The following SLC9A5 variants were observed in gnomAD, a reference collection of about 807,000 sequenced individuals.
The protein encoded by SLC9A5 is sodium/hydrogen exchanger 5.
In SLC9A5, 52 loss-of-function variants were observed where a neutral mutation model predicts 91.7. That is an observed-to-expected ratio of 0.57 (90% confidence interval 0.45 to 0.71). The LOEUF is 0.71. SLC9A5 is among the 30% of genes least tolerant of loss of function. The probability of loss-of-function intolerance (pLI) is 0.00; values close to 1 mark genes in which losing one functional copy is unlikely to be tolerated. For missense variants in SLC9A5, 871 were observed against 1,158.9 expected, an observed-to-expected ratio of 0.75 and a Z score of 3.61; for synonymous variants, 419 against 474.5, an observed-to-expected ratio of 0.88 and a Z score of 1.52.
At chr16:67,251,622 C>T (rs997049485) in intron 1 of SLC9A5, among the ~76,000 whole-genome samples, 10 of 151,912 alleles carry the variant, frequency 6.6e-5, no homozygotes, top group African/African-American at 2.4e-4. Flanking sequence ...CCGTGCTGGC[C>T]AGGCTGATCC....
chr16:67,270,802 G>A lies in SLC9A5; in HGVS notation c.2283G>A (p.Glu761=), dbSNP rs2035890321. The A allele has an allele frequency of 6.2e-7, 1 of 1,613,930 alleles. No homozygotes were observed. The highest frequency in any genetic ancestry group is 1.3e-5 in the African/African-American group (1 of 74,892). ...CCTCCCCAACCTGTGCAGAAAAGGA[G>A]CTCCCCTGGAAGAGTGGGCAGGGGG... ...IPPSPTCAEK[E]LPWKSGQGDL... is the part of the protein sequence containing the mutation. Residue 761 remains glutamate (E), a synonymous_variant, in exon 16 of 16, where the codon GAG becomes GAA. Transcript: ENST00000299798. This position sits in a 1 kb window ranked among gnomAD's most constrained non-coding sequence, Gnocchi z 4.3.
intron 15 of SLC9A5, among the ~76,000 whole-genome samples, chr16:67,269,458 G>A (rs562605634): frequency 6.6e-5 from 10 of 151,820 alleles, no homozygotes; most frequent in Admixed American, 2.0e-4. Flanking sequence ...AAAAAACCTC[G>A]CCTCATCAAT....
intron 15 of SLC9A5, among the ~76,000 whole-genome samples, chr16:67,267,173 G>A (rs1208634758): frequency 7.0e-6 from 1 of 142,306 alleles, no homozygotes; most frequent in Non-Finnish European, 1.5e-5. Flanking sequence ...GGCAACCTCT[G>A]CCTCTCGGGT....
rs117918269 is a variant in SLC9A5 at position 67,252,458 on chromosome 16, A to C, written c.188-84A>C. 3.5e-3 allele frequency: 4,513 copies of C among 1,307,086 alleles called. 129 individuals carry two copies. The East Asian group carries it at 0.072, about 21-fold the overall frequency. 81.0% of individuals were successfully genotyped at this position (1,307,086 alleles called of 1,614,324 possible). ...GAGTGAGACTTCATCTCAAAAAAAA[A>C]AAAACAAAACTGGGAGTTCATAGGC... is the stretch of plus-strand genomic sequence containing the variant. On this transcript the variant is annotated intron_variant, in intron 1 of 15. Transcript: ENST00000299798. The surrounding 1 kb of genome is among the most constrained non-coding windows in gnomAD (Gnocchi z 4.0).
rs765758431 is a variant in SLC9A5, at chr16:67,255,559, G to C, written c.733+88G>C. 6 of 1,417,146 alleles carry C rather than the reference G, an allele frequency of 4.2e-6. No homozygotes were observed. The South Asian group carries it at 5.8e-5, about 14-fold the overall frequency. 87.8% of individuals were successfully genotyped at this position (1,417,146 alleles called of 1,614,324 possible). On this transcript the variant is annotated intron_variant, in intron 4 of 15. Coordinates refer to ENST00000299798, the MANE Select transcript of SLC9A5 (RefSeq NM_004594.3). This position sits in a 1 kb window ranked among gnomAD's most constrained non-coding sequence, Gnocchi z 4.9. ...TCCCACCCCGCATCAGGACAGAAGA[G>C]GCTATTCGGGTTGCCTCATCTCCTC...
rs752879951 is a variant in SLC9A5, at chr16:67,255,227, C to G, written c.654+43C>G. ...ACTGCCATTCCCTGACCCCAGGCTG[C>G]ATGCTCTGACCAACTAGGGGTCTGC... On this transcript the variant is annotated intron_variant, in intron 3 of 15. Transcript: ENST00000299798. This position sits in a 1 kb window ranked among gnomAD's most constrained non-coding sequence, Gnocchi z 4.9. 1.2e-5 allele frequency: 19 copies of G among 1,597,400 alleles called. No homozygotes were observed. The South Asian group carries it at 2.0e-4, about 17-fold the overall frequency.
chr16:67,259,042 T>C (rs2035421945), intron 10 of SLC9A5, among the ~76,000 whole-genome samples: 1 of 151,664 alleles, frequency 6.6e-6, no homozygotes, highest in African/African-American at 2.4e-5. Context: ...GGGTGGATCA[T>C]GAGGTCAGGA....
rs2035359636 is a variant in SLC9A5 at position 67,257,417 on chromosome 16, C to G, written c.1408C>G (p.Gln470Glu). 6 of 1,614,174 alleles carry G rather than the reference C, an allele frequency of 3.7e-6. No individual in the cohort carries two copies. The highest frequency in any genetic ancestry group is 5.1e-6 in the Non-Finnish European group (6 of 1,179,996). ...TGAGCATCACAAACCCACCCTGAAC[C>G]AGGAGCTGCATGAACACGTGGGTAT... is the stretch of plus-strand genomic sequence containing the variant. ...RSEHHKPTLN[Q>E]ELHEHTFDHI... The change falls in exon 8 of 16, where the codon CAG (glutamine) becomes GAG (glutamate). Residue 470 changes from glutamine to glutamate, a missense_variant. Coordinates refer to ENST00000299798, the MANE Select transcript of SLC9A5 (RefSeq NM_004594.3). This position sits in a 1 kb window ranked among gnomAD's most constrained non-coding sequence, Gnocchi z 5.1.
At position 67,256,901 on chromosome 16, in the gene SLC9A5, C is replaced by T. The variant is rs752017348; in HGVS notation, c.1133-10C>T. The T allele has an allele frequency of 6.2e-7, 1 of 1,612,982 alleles. No homozygotes were observed. Among genetic ancestry groups the T allele is most frequent in the African/African-American group, 1.3e-5 (1 of 74,926 alleles). ...ACGCTTTGCTCCCACTGGCCTCCCT[C>T]CCGCTGTAGGCGTAGTCCTGCAGAC... is the stretch of plus-strand genomic sequence containing the variant. On this transcript the variant is annotated splice_polypyrimidine_tract_variant and intron_variant, in intron 6 of 15. Coordinates refer to ENST00000299798, the MANE Select transcript of SLC9A5 (RefSeq NM_004594.3). The surrounding 1 kb of genome is among the most constrained non-coding windows in gnomAD (Gnocchi z 4.1).
Position 67,271,377 on chromosome 16 carries a change from G to A in SLC9A5, c.*167G>A. 1.6e-6 allele frequency: 1 copy of A among 633,032 alleles called. No homozygotes were observed. The highest frequency in any genetic ancestry group is 1.9e-5 in the South Asian group (1 of 53,190). 39.2% of individuals were successfully genotyped at this position (633,032 alleles called of 1,614,324 possible). On this transcript the variant is annotated 3_prime_UTR_variant, in exon 16 of 16. Coordinates refer to ENST00000299798, the MANE Select transcript of SLC9A5 (RefSeq NM_004594.3). ...GGGGTCACCTAAGCTGGTCCTCACAGGGGCCTTTCTCACCACCTCCCTGCT... is the reference window on the plus strand; with the variant it reads ...GGGGTCACCTAAGCTGGTCCTCACAAGGGCCTTTCTCACCACCTCCCTGCT...
rs2035341779 is a variant in SLC9A5 at position 67,256,972 on chromosome 16, C to G, written c.1194C>G (p.Asp398Glu). 1.9e-6 allele frequency: 3 copies of G among 1,614,190 alleles called. No homozygotes were observed. In the East Asian group the frequency reaches 6.7e-5, roughly 36 times the overall value. ...QFRLVPLDKI[D>E]QVVMSYGGLR... Reference sequence around the variant, plus strand: ...GGCTAGTCCCTCTGGACAAGATTGACCAAGTGGTGATGTCCTATGGGGGCC... The same window carrying G: ...GGCTAGTCCCTCTGGACAAGATTGAGCAAGTGGTGATGTCCTATGGGGGCC... Residue 398 changes from aspartate (D) to glutamate (E), a missense_variant, in exon 7 of 16, where the codon GAC (aspartate) becomes GAG (glutamate). This residue lies in a region of SLC9A5 where 454 missense variants were observed against 718.3 expected (regional missense o/e 0.63). Transcript: ENST00000299798. The surrounding 1 kb of genome is among the most constrained non-coding windows in gnomAD (Gnocchi z 4.1).
chr16:67,258,191 T>C lies in SLC9A5; in HGVS notation c.1497-127T>C. The C allele has an allele frequency of 1.2e-6, 1 of 866,066 alleles. No homozygotes were observed. Among genetic ancestry groups the C allele is most frequent in the Non-Finnish European group, 1.8e-6 (1 of 551,866 alleles). 53.6% of individuals were successfully genotyped at this position (866,066 alleles called of 1,614,324 possible). ...AGGGCAGGGACTAGCCTTGAGATTC[T>C]CTCTGGCTGAGGCCCATATCTAAAA... On this transcript the variant is annotated intron_variant, in intron 9 of 15. Transcript: ENST00000299798. The surrounding 1 kb of genome is among the most constrained non-coding windows in gnomAD (Gnocchi z 4.5).
rs1421727971 is a variant in SLC9A5, at chr16:67,264,313, G to T, written c.1843-39G>T. The T allele has an allele frequency of 3.1e-6, 5 of 1,599,996 alleles. No individual in the cohort carries two copies. In the African/African-American group the frequency reaches 6.7e-5, roughly 21 times the overall value. On this transcript the variant is annotated intron_variant, in intron 12 of 15. Transcript: ENST00000299798. Reference sequence around the variant, plus strand: ...CCTGGGGTTCTTGTGGGAGGCCAAGGCATCCATCCTCATAGCCAGGCGGGG... The same window carrying T: ...CCTGGGGTTCTTGTGGGAGGCCAAGTCATCCATCCTCATAGCCAGGCGGGG...
In SLC9A5 at chr16:67,258,377, G is replaced by A. The variant is rs761883254; in HGVS notation, c.1556G>A (p.Arg519His). The A allele has an allele frequency of 8.1e-6, 13 of 1,614,134 alleles. No homozygotes were observed. Among genetic ancestry groups the A allele is most frequent in the South Asian group, 1.1e-5 (1 of 91,084 alleles). ...SQLLMRRSAY[R>H]IRDQIWDVYY... ...CTGCTGATGCGACGATCAGCCTACCGCATCCGGGACCAGATCTGGGATGTG... is the reference window on the plus strand; with the variant it reads ...CTGCTGATGCGACGATCAGCCTACCACATCCGGGACCAGATCTGGGATGTG... Residue 519 changes from arginine (R) to histidine (H), a missense_variant, in exon 10 of 16, where the codon CGC becomes CAC. Physicochemically the swap from Arg to His is conservative, Grantham distance 29. This residue lies in a region of SLC9A5 where 454 missense variants were observed against 718.3 expected (regional missense o/e 0.63). Transcript: ENST00000299798. The surrounding 1 kb of genome is among the most constrained non-coding windows in gnomAD (Gnocchi z 4.5).
At chr16:67,268,460 G>A (rs2035789975) in intron 15 of SLC9A5, among the ~76,000 whole-genome samples, 1 of 148,276 alleles carries the variant, frequency 6.7e-6, no homozygotes, top group East Asian at 2.0e-4. Flanking sequence ...AAGGATTCCT[G>A]ATGCATGCCT....
Position 67,256,331 on chromosome 16 carries a change from C to T in SLC9A5, c.912-138C>T, listed in dbSNP as rs2035316324. The stretch of plus-strand genomic sequence containing the variant: ...AGCCCAGCACTACCATTCAAGTCTT[C>T]AGGCCTCCCTGGGCTTCAGCTCTGA... On this transcript the variant is annotated intron_variant, in intron 5 of 15. Coordinates refer to ENST00000299798, the MANE Select transcript of SLC9A5 (RefSeq NM_004594.3). This position sits in a 1 kb window ranked among gnomAD's most constrained non-coding sequence, Gnocchi z 4.1. 6.1e-6 allele frequency: 4 copies of T among 655,680 alleles called. No homozygotes were observed. The East Asian group carries it at 8.1e-5, about 13-fold the overall frequency. 40.6% of individuals were successfully genotyped at this position (655,680 alleles called of 1,614,324 possible).
chr16:67,270,978 G>A lies in SLC9A5; in HGVS notation c.2459G>A (p.Arg820Gln), dbSNP rs376301186. 8.1e-5 allele frequency: 130 copies of A among 1,613,884 alleles called. No homozygotes were observed. Among genetic ancestry groups the A allele is most frequent in the Non-Finnish European group, 1.1e-4 (125 of 1,179,970 alleles). The change falls in exon 16 of 16, where the codon CGG (arginine) becomes CAG (glutamine). Residue 820 changes from arginine (R) to glutamine (Q), a missense_variant. By Grantham distance (43) the Arg-to-Gln change is conservative. Transcript: ENST00000299798. This position sits in a 1 kb window ranked among gnomAD's most constrained non-coding sequence, Gnocchi z 4.3. Reference protein sequence around the residue: ...PILTCLPPHPRGTEEPQVPLH... With the variant: ...PILTCLPPHPQGTEEPQVPLH... ...CTGACCTGCCTGCCTCCCCATCCAC[G>A]GGGCACTGAAGAGCCCCAGGTCCCT... is the stretch of plus-strand genomic sequence containing the variant.
chr16:67,264,925 C>A, intron 13 of SLC9A5, 115 bp from the exon 14 acceptor site: 1 of 1,027,092 alleles, frequency 9.7e-7, no homozygotes, highest in Non-Finnish European at 1.5e-6. Context: ...CTGGGACTGA[C>A]ATAAATTCCC....
In SLC9A5 at chr16:67,257,952, C is replaced by T. The variant is rs548738858; in HGVS notation, c.1496+351C>T. Among the ~76,000 whole-genome samples, 96 of 152,354 alleles carry T rather than the reference C, an allele frequency of 6.3e-4. No individual in the cohort carries two copies. The highest frequency in any genetic ancestry group is 2.8e-4 in the Non-Finnish European group (19 of 68,034). The stretch of plus-strand genomic sequence containing the variant: ...TTCTCTGTACTAGAACACTCCTTCA[C>T]CTCCCTCTCACTTACTCAGCTTCGA... On this transcript the variant is annotated intron_variant, in intron 9 of 15. Coordinates refer to ENST00000299798, the MANE Select transcript of SLC9A5 (RefSeq NM_004594.3). The surrounding 1 kb of genome is among the most constrained non-coding windows in gnomAD (Gnocchi z 5.1).
Sources: allele counts gnomAD v4.1 joint callset (sites outside exome capture counted in the v4.1 genomes callset), GRCh38; gene constraint gnomAD v4.1.1; regional missense constraint gnomAD v4.1.1; non-coding constraint Gnocchi (gnomAD v3.1); transcripts MANE v1.5; gene names NCBI Gene and HGNC (gene_info 2026-07-23, HGNC 2026-07-21).